Variants in WDR89 observed in about 807,000 individuals in gnomAD.
WDR89 encodes the protein WD repeat domain 89.
Under a neutral mutation model 29.1 loss-of-function variants are expected in WDR89, and 17 were observed. That is an observed-to-expected ratio of 0.58 (90% CI 0.40 to 0.88). The LOEUF (loss-of-function observed/expected upper bound fraction) is 0.88. Among genes scored for constraint, WDR89 ranks in the 40% least tolerant of loss-of-function variants. The pLI is 0.00. For synonymous variants in WDR89, 138 were observed against 157.8 expected (o/e 0.87, Z 0.94); for missense variants, 396 against 456.3 (o/e 0.87, Z 1.20).
At position 63,637,566 on chromosome 14, in the gene WDR89, G is replaced by A. The variant is rs536560794; in HGVS notation, c.-138+4238C>T. ...GACACTGTGGTGGGTGTGTGTGTGT[G>A]TATATATATGTGTGTGTATATATAT... On this transcript the variant is annotated intron_variant, in intron 1 of 2. Transcript: ENST00000620954. Among the ~76,000 whole-genome samples, 23 of 152,124 alleles carry A rather than the reference G, an allele frequency of 1.5e-4. 1 individual carries two copies. The South Asian group carries it at 1.7e-3, about 11-fold the overall frequency.
chr14:63,598,185 T>C lies in WDR89; in HGVS notation c.*594A>G, dbSNP rs1161308172. On this transcript the variant is annotated 3_prime_UTR_variant, in exon 3 of 3. Coordinates refer to ENST00000620954, the MANE Select transcript of WDR89 (RefSeq NM_080666.4). ...ACTTCCTTTCAATCAGCAAAACACCTGTTTACTACTTACTAACAATATTAA... is the reference window on the plus strand; with the variant it reads ...ACTTCCTTTCAATCAGCAAAACACCCGTTTACTACTTACTAACAATATTAA... The C allele has an allele frequency of 6.6e-6, 1 of 152,244 alleles. No individual in the cohort carries two copies. The allele number at this position is 152,244 out of a possible 1,614,324, so 9.4% of individuals were successfully genotyped here.
chr14:63,602,462 CAAAAAAAA>C (rs58161137), intron 2 of WDR89, among the ~76,000 whole-genome samples: 2 of 35,642 alleles, frequency 5.6e-5, no homozygotes, highest in Non-Finnish European at 1.3e-4. Context: ...GATTCCTACT[CAAAAAAAA>C]AAAAAAAAAA....
At chr14:63,600,717 CAAAAAAAAAAAAAAAAAAAAAAAAAAAA>C (rs56059698) in intron 2 of WDR89, among the ~76,000 whole-genome samples, 1 of 36,144 alleles carries the variant, frequency 2.8e-5, no homozygotes, top group South Asian at 1.9e-3. Context: ...GATATGTAGG[CAAAAAAAAAAAAAAAAAAAAAAAAAAAA>C]AAAAAAAAAG....
At position 63,634,990 on chromosome 14, in the gene WDR89, T is replaced by C. The variant is rs150639890; in HGVS notation, c.-138+6814A>G. Among the ~76,000 whole-genome samples, 304 of 151,778 alleles carry C rather than the reference T, an allele frequency of 2.0e-3. 1 individual carries two copies. The highest frequency in any genetic ancestry group is 6.5e-3 in the African/African-American group (268 of 41,344). On this transcript the variant is annotated intron_variant, in intron 1 of 2. Transcript: ENST00000620954. ...AGGCAGAGGTTGCAGTGAGCTGAGA[T>C]TGTGCCACTACACTCTGTCTCCAAA...
intron 2 of WDR89, among the ~76,000 whole-genome samples, chr14:63,615,057 A>C (rs957557200): frequency 2.0e-5 from 3 of 152,220 alleles, no homozygotes; most frequent in Non-Finnish European, 4.4e-5. Context: ...GAGGACTGGG[A>C]GGAAATGACA....
chr14:63,632,657 A>G (rs1200558400), intron 1 of WDR89, among the ~76,000 whole-genome samples: 1 of 151,992 alleles, frequency 6.6e-6, no homozygotes, highest in Non-Finnish European at 1.5e-5. Context: ...CCAAACTAGG[A>G]AACTGGATGA....
chr14:63,599,369 C>G lies in WDR89; in HGVS notation c.574G>C (p.Asp192His). Residue 192 changes from aspartate (D) to histidine (H), a missense_variant, in exon 3 of 3, where the codon GAT becomes CAT. By Grantham distance (81) the Asp-to-His change is moderately conservative. Transcript: ENST00000620954. ...NPNMVVSGSS[D>H]GLVNVFDINI... ...ATATCAAATACATTTACCAGGCCAT[C>G]AGATGAACCTGAGACTACCATGTTG... 6.2e-7 allele frequency: 1 copy of G among 1,614,188 alleles called. No individual in the cohort carries two copies. The highest frequency in any genetic ancestry group is 2.2e-5 in the East Asian group (1 of 44,886).
intron 1 of WDR89, among the ~76,000 whole-genome samples, chr14:63,637,197 C>T (rs555827910): frequency 3.9e-5 from 6 of 152,214 alleles, no homozygotes; most frequent in African/African-American, 1.2e-4. Context: ...AAATGCAAAT[C>T]GAAACCACAA....
At chr14:63,604,722 TCTTG>T (rs914117177) in intron 2 of WDR89, among the ~76,000 whole-genome samples, 1 of 152,222 alleles carries the variant, frequency 6.6e-6, no homozygotes, top group African/African-American at 2.4e-5. Flanking sequence ...CCTAACTCTT[TCTTG>T]CTTATTTGTT....
chr14:63,624,529 A>G (rs1882914049), intron 2 of WDR89, among the ~76,000 whole-genome samples: 3 of 151,706 alleles, frequency 2.0e-5, no homozygotes, highest in African/African-American at 7.3e-5. Context: ...AAAAAAGAAA[A>G]TGCCAACTAC....
chr14:63,639,808 G>C (rs969522176), intron 1 of WDR89, among the ~76,000 whole-genome samples: 2 of 152,126 alleles, frequency 1.3e-5, no homozygotes, highest in Admixed American at 6.6e-5. Flanking sequence ...CATGACTTTA[G>C]TACAAAAGTA....
At chr14:63,627,148 ACACTCTCT>A (rs61573322) in intron 1 of WDR89, among the ~76,000 whole-genome samples, 335 of 128,376 alleles carry the variant, frequency 2.6e-3, no homozygotes, top group African/African-American at 9.6e-3. Flanking sequence ...ACACACACAC[ACACTCTCT>A]CTCTCTCTCT....
chr14:63,641,111 A>AG (rs1191343493), intron 1 of WDR89, among the ~76,000 whole-genome samples: 1 of 148,612 alleles, frequency 6.7e-6, no homozygotes, highest in African/African-American at 2.5e-5. Flanking sequence ...AAAAAAAAAA[A>AG]AAAAGAAAAA....
In WDR89 at chr14:63,599,751, T is replaced by C. The variant is rs1894968684; in HGVS notation, c.192A>G (p.Arg64=). 6.2e-7 allele frequency: 1 copy of C among 1,614,192 alleles called. No individual in the cohort carries two copies. Among genetic ancestry groups the C allele is most frequent in the African/African-American group, 1.3e-5 (1 of 75,070 alleles). Reference sequence around the variant, plus strand: ...GAAGTCCAGGATATCCACTAAATTCTCGTAGTACATTTAACCTTTCTTTAT... The same window carrying C: ...GAAGTCCAGGATATCCACTAAATTCCCGTAGTACATTTAACCTTTCTTTAT... The part of the protein sequence containing the change: ...IYDKERLNVL[R]EFSGYPGLLN... The change falls in exon 3 of 3, where the codon CGA becomes CGG. Residue 64 remains arginine, a synonymous_variant. Transcript: ENST00000620954.
chr14:63,606,492 T>C, intron 2 of WDR89, among the ~76,000 whole-genome samples: 1 of 152,196 alleles, frequency 6.6e-6, no homozygotes, highest in Admixed American at 6.5e-5. Context: ...TACCTTTTTA[T>C]GTTTAGATCT....
At position 63,597,798 on chromosome 14, in the gene WDR89, T is replaced by C. The variant is rs1184047702; in HGVS notation, c.*981A>G. ...GCATGAGGCACCATCACGTTTTTGT[T>C]TCTTCCCCCTCATTTCCCCGCCCCT... On this transcript the variant is annotated 3_prime_UTR_variant, in exon 3 of 3. Transcript: ENST00000620954. The C allele has an allele frequency of 6.6e-6, 1 of 152,268 alleles. No individual in the cohort carries two copies. Among genetic ancestry groups the C allele is most frequent in the African/African-American group, 2.4e-5 (1 of 41,456 alleles). 9.4% of individuals were successfully genotyped at this position (152,268 alleles called of 1,614,324 possible).
In WDR89 at chr14:63,599,163, G is replaced by C. The variant is rs530394636; in HGVS notation, c.780C>G (p.Ile260Met). 7 of 1,612,550 alleles carry C rather than the reference G, an allele frequency of 4.3e-6. No homozygotes were observed. In the Admixed American group the frequency reaches 1.0e-4, roughly 23 times the overall value. The change falls in exon 3 of 3, where the codon ATC becomes ATG. Residue 260 changes from isoleucine to methionine, a missense_variant. Coordinates refer to ENST00000620954, the MANE Select transcript of WDR89 (RefSeq NM_080666.4). Reference sequence around the variant, plus strand: ...TGTTAACTACTTCTCTGACATCCTGGATGTTCAAACGTGTAACTGGTTCAT... The same window carrying C: ...TGTTAACTACTTCTCTGACATCCTGCATGTTCAAACGTGTAACTGGTTCAT... ...DTDEPVTRLN[I>M]QDVREVVNMK...
intron 1 of WDR89, among the ~76,000 whole-genome samples, chr14:63,638,227 G>T (rs951828336): frequency 6.6e-6 from 1 of 152,102 alleles, no homozygotes; most frequent in Non-Finnish European, 1.5e-5. Context: ...TTACAGGCAT[G>T]AGCCACCGTT....
Position 63,623,636 on chromosome 14 carries a change from G to A in WDR89, c.-32+1292C>T, listed in dbSNP as rs377259068. On this transcript the variant is annotated intron_variant, in intron 2 of 2. Transcript: ENST00000620954. ...GGAGAATCTCTTGAACCCAGGAGGC[G>A]GAGGTTGCAGTGAGCTGAGCTCACA... Among the ~76,000 whole-genome samples, 107 of 148,744 alleles carry A rather than the reference G, an allele frequency of 7.2e-4. 1 individual carries two copies. Among genetic ancestry groups the A allele is most frequent in the South Asian group, 4.7e-3 (22 of 4,692 alleles).
Sources: gnomAD v4.1 joint callset for allele counts (sites outside exome capture counted in the v4.1 genomes callset) on GRCh38, gnomAD v4.1.1 for gene constraint, MANE v1.5 for transcripts, NCBI Gene and HGNC (gene_info 2026-07-23, HGNC 2026-07-21) for gene names.